The following SLC30A9 variants were observed in gnomAD, a reference collection of about 807,000 sequenced individuals.
The protein encoded by SLC30A9 is solute carrier family 30 member 9, also known as proton-coupled zinc antiporter SLC30A9, mitochondrial.
A neutral mutation model predicts 87.5 loss-of-function variants in SLC30A9; 58 were observed. That is an observed-to-expected ratio of 0.66 (90% CI 0.54 to 0.82). The LOEUF (loss-of-function observed/expected upper bound fraction) is 0.82, where lower values mean the gene tolerates loss of function less well. Among genes scored for constraint, SLC30A9 ranks in the 40% least tolerant of loss-of-function variants. The pLI, the probability that SLC30A9 is intolerant of heterozygous loss-of-function variation, is 0.00. For missense variants in SLC30A9, 557 were observed against 679.1 expected, an observed-to-expected ratio of 0.82 and a Z score of 2.00; for synonymous variants, 234 against 233.0, an observed-to-expected ratio of 1.00 and a Z score of -0.04.
At chr4:42,022,089 C>A (rs1211093830) in intron 4 of SLC30A9, among the ~76,000 whole-genome samples, 1 of 75,586 alleles carries the variant, frequency 1.3e-5, no homozygotes, top group African/African-American at 2.8e-5. Context: ...GCGCCCGCCA[C>A]CACGCCCGGC....
intron 13 of SLC30A9, 41 bp downstream of exon 13, chr4:42,066,662 A>AAAATTGCTTAGTACTTAGTACTGT (rs763441795): frequency 5.1e-6 from 7 of 1,365,024 alleles, no homozygotes; most frequent in Non-Finnish European, 7.3e-6. Context: ...CACCTCCCTT[A>AAAATTGCTTAGTACTTAGTACTGT]TTTGCTTAAA....
At chr4:42,073,500 GGT>G (rs1718399285) in intron 15 of SLC30A9, among the ~76,000 whole-genome samples, 1 of 152,092 alleles carries the variant, frequency 6.6e-6, no homozygotes, top group Admixed American at 6.5e-5. Flanking sequence ...AAAACTTAGT[GGT>G]TTAAACAACA....
intron 5 of SLC30A9, 49 bp downstream of exon 5, chr4:42,022,979 T>C: frequency 1.9e-6 from 2 of 1,044,862 alleles, no homozygotes; most frequent in African/African-American, 1.6e-5. Context: ...AATTTTGGAT[T>C]AATAAAAATA....
intron 9 of SLC30A9, among the ~76,000 whole-genome samples, chr4:42,050,573 A>C (rs899099215): frequency 2.0e-5 from 3 of 152,204 alleles, no homozygotes; most frequent in African/African-American, 7.2e-5. Context: ...AAAAGAATGT[A>C]GTAGATATCT....
intron 1 of SLC30A9, among the ~76,000 whole-genome samples, chr4:42,000,880 T>A (rs1714955063): frequency 6.6e-6 from 1 of 152,054 alleles, no homozygotes; most frequent in Admixed American, 6.5e-5. Flanking sequence ...GATATCTATA[T>A]AGGGTTTTTG....
chr4:42,031,173 G>A (rs1034493458), intron 6 of SLC30A9, among the ~76,000 whole-genome samples: 1 of 151,928 alleles, frequency 6.6e-6, no homozygotes, highest in South Asian at 2.1e-4. Flanking sequence ...ACTATGCAAA[G>A]TCCATGTTCT....
Position 42,023,359 on chromosome 4 carries a change from G to C in SLC30A9, c.585G>C (p.Lys195Asn). 6.2e-7 allele frequency: 1 copy of C among 1,612,266 alleles called. No homozygotes were observed. ...EALAREKKLR[K>N]EAEIEYRERL... ...TTGCCAGAGAGAAAAAATTGCGTAA[G>C]GAAGCAGAAATAGAATACAGAGAAA... The change falls in exon 6 of 18, where the codon AAG becomes AAC. Residue 195 changes from lysine to asparagine, a missense_variant. Physicochemically the swap from Lys to Asn is moderately conservative, Grantham distance 94. This residue lies in a region of SLC30A9 where 467 missense variants were observed against 529.8 expected (regional missense o/e 0.88). Transcript: ENST00000264451.
At chr4:42,048,308 TATTTCCAGGA>T (rs1717251895) in intron 8 of SLC30A9, among the ~76,000 whole-genome samples, 2 of 152,132 alleles carry the variant, frequency 1.3e-5, no homozygotes, top group African/African-American at 2.4e-5. Flanking sequence ...AATGCTAAAA[TATTTCCAGGA>T]ATTTAGTAGT....
At chr4:42,071,985 TCTG>T (rs1718331739) in intron 15 of SLC30A9, among the ~76,000 whole-genome samples, 1 of 36,228 alleles carries the variant, frequency 2.8e-5, no homozygotes, top group Non-Finnish European at 2.2e-4. Context: ...GTTCAGATTG[TCTG>T]TTTCTTCTTG....
intron 8 of SLC30A9, among the ~76,000 whole-genome samples, chr4:42,041,826 G>T (rs1251872270): frequency 6.6e-6 from 1 of 152,206 alleles, no homozygotes; most frequent in Non-Finnish European, 1.5e-5. Context: ...CATGCAGAAG[G>T]TGGATAACTT....
chr4:42,017,269 G>A (rs1452774851), intron 2 of SLC30A9, among the ~76,000 whole-genome samples: 2 of 151,348 alleles, frequency 1.3e-5, no homozygotes, highest in Non-Finnish European at 2.9e-5. Context: ...CTAATGGATT[G>A]TCATTTTTTT....
intron 17 of SLC30A9, among the ~76,000 whole-genome samples, chr4:42,083,089 T>C (rs1177054128): frequency 2.0e-5 from 3 of 152,208 alleles, no homozygotes; most frequent in African/African-American, 7.2e-5. Context: ...TTTATGATGA[T>C]TAATGGAAAT....
In SLC30A9 at chr4:42,086,106, G is replaced by A; in HGVS notation, c.1687G>A (p.Val563Ile). Reference sequence around the variant, plus strand: ...GAAACGAAATCCTGAAGTTCGACATGTAGATTTGGAGATACTGTGAGTTTG... The same window carrying A: ...GAAACGAAATCCTGAAGTTCGACATATAGATTTGGAGATACTGTGAGTTTG... Reference protein sequence around the residue: ...LKKRNPEVRHVDLEIL With the variant: ...LKKRNPEVRHIDLEIL The change falls in exon 18 of 18, where the codon GTA (valine) becomes ATA (isoleucine). Residue 563 changes from valine to isoleucine, a missense_variant. By Grantham distance (29) the Val-to-Ile change is conservative. Coordinates refer to ENST00000264451, the MANE Select transcript of SLC30A9 (RefSeq NM_006345.4). 6.5e-7 allele frequency: 1 copy of A among 1,538,072 alleles called. No homozygotes were observed.
chr4:42,002,060 A>G (rs775914280), intron 2 of SLC30A9, among the ~76,000 whole-genome samples: 38 of 152,112 alleles, frequency 2.5e-4, no homozygotes, highest in Middle Eastern at 3.4e-3. Flanking sequence ...CCAATAGCAT[A>G]TGTAGTTATG....
At chr4:42,065,279 T>C (rs1275428973) in intron 11 of SLC30A9, 31 bp from the exon 12 acceptor site, 9 of 1,086,074 alleles carry the variant, frequency 8.3e-6, no homozygotes, top group Non-Finnish European at 1.1e-5. Context: ...AAGTACTTAA[T>C]TTATGCTTTA....
At chr4:42,006,112 A>G (rs543280190) in intron 2 of SLC30A9, among the ~76,000 whole-genome samples, 2 of 152,356 alleles carry the variant, frequency 1.3e-5, no homozygotes, top group Non-Finnish European at 2.9e-5. Context: ...ATTCGGTATT[A>G]TAAGTAATCT....
chr4:42,042,424 G>A (rs1364904665), intron 8 of SLC30A9, among the ~76,000 whole-genome samples: 2 of 152,186 alleles, frequency 1.3e-5, no homozygotes, highest in South Asian at 4.2e-4. Flanking sequence ...TGAGTAGGCA[G>A]TTTTCCCCTC....
intron 2 of SLC30A9, among the ~76,000 whole-genome samples, chr4:42,003,894 A>G (rs79262440): frequency 0.031 from 4,661 of 152,318 alleles, 113 homozygotes; most frequent in Non-Finnish European, 0.045. Flanking sequence ...TGAAAAACAC[A>G]AAAGCTTTAG....
rs1461612642 is a variant in SLC30A9 at position 42,087,189 on chromosome 4, T to C, written c.*1063T>C. The C allele has an allele frequency of 6.6e-6, 1 of 152,208 alleles. No homozygotes were observed. The highest frequency in any genetic ancestry group is 1.5e-5 in the Non-Finnish European group (1 of 68,042). 9.4% of individuals were successfully genotyped at this position (152,208 alleles called of 1,614,324 possible). On this transcript the variant is annotated 3_prime_UTR_variant, in exon 18 of 18. Transcript: ENST00000264451. Reference sequence around the variant, plus strand: ...CAAATGGGCATTTAGTATAGTTATATTGACTATAACATGTAAGTAAATAGC... The same window carrying C: ...CAAATGGGCATTTAGTATAGTTATACTGACTATAACATGTAAGTAAATAGC...
Sources: gnomAD v4.1 joint callset for allele counts (sites outside exome capture counted in the v4.1 genomes callset) on GRCh38, gnomAD v4.1.1 for gene constraint, gnomAD v4.1.1 regional missense constraint, MANE v1.5 for transcripts, NCBI Gene and HGNC (gene_info 2026-07-23, HGNC 2026-07-21) for gene names.